Variants in ASAP1 observed in about 807,000 individuals in gnomAD.
ASAP1 encodes the protein ArfGAP with SH3 domain, ankyrin repeat and PH domain 1.
ASAP1 carries 43 observed loss-of-function variants against 145.2 expected under a neutral mutation model. The observed-to-expected ratio is 0.30, with a 90% CI of 0.23 to 0.38. The LOEUF is 0.38. Among genes scored for constraint, ASAP1 ranks in the 10% least tolerant of loss-of-function variants. ASAP1 has a pLI of 1.00. For missense variants in ASAP1, 1,018 were observed against 1,355.3 expected, an observed-to-expected ratio of 0.75 and a Z score of 3.91; for synonymous variants, 546 against 515.5, an observed-to-expected ratio of 1.06 and a Z score of -0.80.
rs59778799 is a variant in ASAP1 at position 130,101,732 on chromosome 8, A to ATTTTTTTTTTTTTTTTTTTTTTTTTT, written c.2402-9590_2402-9589insAAAAAAAAAAAAAAAAAAAAAAAAAA. 1.3e-4 allele frequency among the ~76,000 whole-genome samples: 11 copies of ATTTTTTTTTTTTTTTTTTTTTTTTTT among 86,916 alleles called. 1 individual carries two copies. Among genetic ancestry groups the ATTTTTTTTTTTTTTTTTTTTTTTTTT allele is most frequent in the Admixed American group, 4.4e-4 (3 of 6,832 alleles). 57.0% of individuals were successfully genotyped at this position (86,916 alleles called of 152,430 possible). Reference sequence around the variant, plus strand: ...AGGCATGTGCTACCACACCTGGTTAATTTTTTTTTTTTTTTTTTTTGCAGA... The same window carrying ATTTTTTTTTTTTTTTTTTTTTTTTTT: ...AGGCATGTGCTACCACACCTGGTTAATTTTTTTTTTTTTTTTTTTTTTTTTTTTTTTTTTTTTTTTTTTTTTGCAGA... On this transcript the variant is annotated intron_variant, in intron 24 of 29. Coordinates refer to ENST00000518721, the MANE Select transcript of ASAP1 (RefSeq NM_018482.4).
intron 3 of ASAP1, among the ~76,000 whole-genome samples, chr8:130,273,841 C>G (rs1051887112): frequency 1.3e-5 from 2 of 152,148 alleles, no homozygotes; most frequent in East Asian, 3.9e-4. Flanking sequence ...TGGTAACATC[C>G]GCCACATAGA....
chr8:130,091,982 C>T lies in ASAP1; in HGVS notation c.2563G>A (p.Val855Ile). Residue 855 changes from valine to isoleucine, a missense_variant, in exon 25 of 30, where the codon GTT becomes ATT. By Grantham distance (29) the Val-to-Ile change is conservative (BLOSUM62 3). Coordinates refer to ENST00000518721, the MANE Select transcript of ASAP1 (RefSeq NM_018482.4). Reference sequence around the variant, plus strand: ...CTTTAGGATAACTTACCCCAAGGAACTGCGCCTTTGTTTGGGGGCCCATGA... The same window carrying T: ...CTTTAGGATAACTTACCCCAAGGAATTGCGCCTTTGTTTGGGGGCCCATGA... ...LPHGPPNKGA[V>I]PWGNDGGPSS... 6.4e-7 allele frequency: 1 copy of T among 1,556,162 alleles called. No homozygotes were observed. Among genetic ancestry groups the T allele is most frequent in the Middle Eastern group, 1.9e-4 (1 of 5,136 alleles).
intron 3 of ASAP1, among the ~76,000 whole-genome samples, chr8:130,299,791 A>T (rs965933878): frequency 6.6e-6 from 1 of 152,222 alleles, no homozygotes; most frequent in Non-Finnish European, 1.5e-5. Context: ...GGAGAAAAAT[A>T]AATTCCTATA....
At chr8:130,092,719 A>C (rs114261973) in intron 24 of ASAP1, among the ~76,000 whole-genome samples, 2,668 of 152,198 alleles carry the variant, frequency 0.018, 90 homozygotes, top group African/African-American at 0.062. Context: ...GGGAAAAACA[A>C]ACACACACAC....
chr8:130,076,269 G>C, intron 27 of ASAP1, 79 bp downstream of exon 27: 2 of 989,650 alleles, frequency 2.0e-6, no homozygotes, highest in Non-Finnish European at 1.5e-6. Context: ...CAATGAACAA[G>C]GGAGATAAAA....
At chr8:130,173,773 G>GA (rs201052362) in intron 9 of ASAP1, among the ~76,000 whole-genome samples, 4,189 of 138,020 alleles carry the variant, frequency 0.03, 87 homozygotes, top group East Asian at 0.071. Flanking sequence ...GACTCAAAAA[G>GA]AAAAAAAAAA....
rs551728612 is a variant in ASAP1, at chr8:130,410,226, C to T, written c.-27-8256G>A. 1.8e-4 allele frequency among the ~76,000 whole-genome samples: 28 copies of T among 152,238 alleles called. No individual in the cohort carries two copies. The South Asian group carries it at 5.8e-3, about 32-fold the overall frequency. The stretch of plus-strand genomic sequence containing the variant: ...GTCTCTGCTTAAGGAATAAGACCTT[C>T]GTCAAAAAACCTCACCGACAACAAG... On this transcript the variant is annotated intron_variant, in intron 1 of 29. Transcript: ENST00000518721.
At chr8:130,415,022 T>G (rs1829418195) in intron 1 of ASAP1, among the ~76,000 whole-genome samples, 1 of 152,250 alleles carries the variant, frequency 6.6e-6, no homozygotes, top group Admixed American at 6.5e-5. Flanking sequence ...CCTCCCAAAG[T>G]GCTGGGATTA....
intron 4 of ASAP1, among the ~76,000 whole-genome samples, chr8:130,215,766 C>A (rs75341478): frequency 0.017 from 2,510 of 151,572 alleles, 35 homozygotes; most frequent in Middle Eastern, 0.055. Flanking sequence ...ACAACAACAA[C>A]AAAAAACAAT....
chr8:130,176,321 G>T (rs1813949655), intron 9 of ASAP1, among the ~76,000 whole-genome samples: 1 of 152,100 alleles, frequency 6.6e-6, no homozygotes, highest in African/African-American at 2.4e-5. Flanking sequence ...TGCTTAACAG[G>T]TCCATACAAT....
At chr8:130,310,586 A>G (rs1407017643) in intron 3 of ASAP1, among the ~76,000 whole-genome samples, 1 of 152,200 alleles carries the variant, frequency 6.6e-6, no homozygotes, top group African/African-American at 2.4e-5. Flanking sequence ...GATTTCATTA[A>G]CTAAACCACA....
At chr8:130,220,549 C>T (rs1170973089) in intron 4 of ASAP1, among the ~76,000 whole-genome samples, 1 of 152,126 alleles carries the variant, frequency 6.6e-6, no homozygotes, top group Non-Finnish European at 1.5e-5. Context: ...TAAGAAACAG[C>T]AAGGTGGCTG....
chr8:130,127,106 T>A (rs1318989751), intron 16 of ASAP1, among the ~76,000 whole-genome samples: 2 of 152,110 alleles, frequency 1.3e-5, no homozygotes, highest in Non-Finnish European at 2.9e-5. Flanking sequence ...TATTTGAAAA[T>A]AAAAGTTTGG....
chr8:130,332,097 G>A (rs1360047837), intron 3 of ASAP1, among the ~76,000 whole-genome samples: 3 of 152,150 alleles, frequency 2.0e-5, no homozygotes, highest in Non-Finnish European at 4.4e-5. Context: ...CTGTTAACTT[G>A]GTTTTGGGTC....
chr8:130,210,262 TAAAC>T (rs1226446096), intron 5 of ASAP1, among the ~76,000 whole-genome samples: 2 of 151,840 alleles, frequency 1.3e-5, no homozygotes, highest in African/African-American at 4.8e-5. Context: ...ACAAAAATGT[TAAAC>T]AATGCCACCC....
rs777797772 is a variant in ASAP1 at position 130,180,849 on chromosome 8, C to A, written c.562G>T (p.Ala188Ser). 3 of 1,612,512 alleles carry A rather than the reference C, an allele frequency of 1.9e-6. No individual in the cohort carries two copies. The highest frequency in any genetic ancestry group is 2.5e-6 in the Non-Finnish European group (3 of 1,179,524). Residue 188 changes from alanine (A) to serine (S), a missense_variant, in exon 8 of 30, where the codon GCA (alanine) becomes TCA (serine). By Grantham distance (99) the Ala-to-Ser change is moderately conservative (BLOSUM62 1). This residue lies in a region of ASAP1 where 78 missense variants were observed against 161.0 expected (regional missense o/e 0.48). Transcript: ENST00000518721. ...GTGCGGATCATCCCATGTTGTTTTGCGTGCTCTCTTTTCTCTTTCTCAATT... is the reference window on the plus strand; with the variant it reads ...GTGCGGATCATCCCATGTTGTTTTGAGTGCTCTCTTTTCTCTTTCTCAATT... The part of the protein sequence containing the change: ...TKIEKEKREH[A>S]KQHGMIRTEI...
At position 130,086,726 on chromosome 8, in the gene ASAP1, C is replaced by G. The variant is rs1290177510; in HGVS notation, c.2572+5247G>C. ...GACTGAGGTGGGAAGATAGCTTGAG[C>G]CTGTGAGGTGGAGGCTGCAGTGAGC... On this transcript the variant is annotated intron_variant, in intron 25 of 29. Transcript: ENST00000518721. Among the ~76,000 whole-genome samples, 3 of 152,284 alleles carry G rather than the reference C, an allele frequency of 2.0e-5. No individual in the cohort carries two copies. In the South Asian group the frequency reaches 6.2e-4, roughly 32 times the overall value.
At chr8:130,139,500 C>CGTGA (rs938690112) in intron 13 of ASAP1, among the ~76,000 whole-genome samples, 13 of 152,188 alleles carry the variant, frequency 8.5e-5, no homozygotes, top group African/African-American at 3.1e-4. Flanking sequence ...CTGAGGCAGG[C>CGTGA]GGATCACCTG....
intron 6 of ASAP1, among the ~76,000 whole-genome samples, 194 bp from the exon 7 acceptor site, chr8:130,187,479 A>T (rs1814816240): frequency 6.6e-6 from 1 of 151,328 alleles, no homozygotes; most frequent in Non-Finnish European, 1.5e-5. Flanking sequence ...GCAGTGCCAC[A>T]ATCACAGCTC....
Sources: gnomAD v4.1 joint callset for allele counts (sites outside exome capture counted in the v4.1 genomes callset) on GRCh38, gnomAD v4.1.1 for gene constraint, gnomAD v4.1.1 regional missense constraint, MANE v1.5 for transcripts, NCBI Gene and HGNC (gene_info 2026-07-23, HGNC 2026-07-21) for gene names.